MPV17L: variants seen among roughly 807,000 people sequenced by gnomAD.
MPV17L encodes the protein mpv17-like protein.
In MPV17L, 24 loss-of-function variants were observed where a neutral mutation model predicts 25.8. The ratio of observed to expected loss-of-function variants is 0.93; its 90% CI spans 0.67 to 1.31. The LOEUF (loss-of-function observed/expected upper bound fraction) is 1.31, where lower values mean the gene tolerates loss of function less well. Among genes scored for constraint, MPV17L ranks in the 50% most tolerant of loss-of-function variants. The pLI is 0.00. For missense variants in MPV17L, 250 were observed against 265.6 expected, an observed-to-expected ratio of 0.94 and a Z score of 0.41; for synonymous variants, 102 against 115.3, an observed-to-expected ratio of 0.88 and a Z score of 0.74.
At chr16:15,396,746 G>A (rs2050589534) in intron 1 of MPV17L, among the ~76,000 whole-genome samples, 1 of 152,144 alleles carries the variant, frequency 6.6e-6, no homozygotes, top group Non-Finnish European at 1.5e-5. Context: ...GGCAGAGCAG[G>A]TGGAATCTGA....
At position 15,404,279 on chromosome 16, in the gene MPV17L, G is replaced by T. The variant is rs562393663; in HGVS notation, c.381+3422G>T. ...TCACAGAGTATTTGTTGAGCAACTT[G>T]GAATGAGTTTGGATCCTGGAGACTG... On this transcript the variant is annotated intron_variant, in intron 2 of 3. Coordinates refer to ENST00000396385, the MANE Select transcript of MPV17L (RefSeq NM_001128423.2). Among the ~76,000 whole-genome samples the T allele has an allele frequency of 5.9e-5, 9 of 152,246 alleles. No homozygotes were observed. In the East Asian group the frequency reaches 1.7e-3, roughly 29 times the overall value.
At chr16:15,404,618 C>A (rs978105180) in intron 2 of MPV17L, among the ~76,000 whole-genome samples, 4 of 152,066 alleles carry the variant, frequency 2.6e-5, no homozygotes, top group Non-Finnish European at 5.9e-5. Context: ...GTCAGGAGTT[C>A]GAGACCAGCC....
At position 15,401,084 on chromosome 16, in the gene MPV17L, A is replaced by ATTT. The variant is rs1208525759; in HGVS notation, c.381+228_381+229insTTT. Among the ~76,000 whole-genome samples, 242 of 33,176 alleles carry ATTT rather than the reference A, an allele frequency of 7.3e-3. 1 individual carries two copies. The highest frequency in any genetic ancestry group is 9.3e-3 in the Admixed American group (16 of 1,716). 21.8% of individuals were successfully genotyped at this position (33,176 alleles called of 152,430 possible). A position where few individuals can be genotyped will look rare whatever the true frequency, so the allele number is the denominator to read the frequency against. ...TATATATATATATATATATATATATATATTTTTTTTTTTTTTTTTTTTTTT... is the reference window on the plus strand; with the variant it reads ...TATATATATATATATATATATATATATTTTATTTTTTTTTTTTTTTTTTTTTTT... On this transcript the variant is annotated intron_variant, in intron 2 of 3. Coordinates refer to ENST00000396385, the MANE Select transcript of MPV17L (RefSeq NM_001128423.2).
At chr16:15,396,249 TGG>T in intron 1 of MPV17L, 42 bp downstream of exon 1, 1 of 1,534,138 alleles carries the variant, frequency 6.5e-7, no homozygotes. Context: ...GACCCAGTAT[TGG>T]GGGACTGGAG....
intron 2 of MPV17L, among the ~76,000 whole-genome samples, chr16:15,406,695 G>A (rs981016288): frequency 3.9e-5 from 6 of 152,128 alleles, no homozygotes; most frequent in African/African-American, 1.4e-4. Flanking sequence ...GGAGGCCGAG[G>A]CAGGCAAATC....
At chr16:15,407,786 C>T in intron 2 of MPV17L, 38 bp from the exon 3 acceptor site, 1 of 1,563,700 alleles carries the variant, frequency 6.4e-7, no homozygotes, top group Non-Finnish European at 8.7e-7. Context: ...AAAAGGCAAT[C>T]TAATAAAGTT....
intron 2 of MPV17L, among the ~76,000 whole-genome samples, chr16:15,403,375 A>AC (rs2050655025): frequency 6.6e-6 from 1 of 150,768 alleles, no homozygotes; most frequent in Non-Finnish European, 1.5e-5. Flanking sequence ...TCTCAAAAAA[A>AC]AAAAAAAAAA....
intron 2 of MPV17L, among the ~76,000 whole-genome samples, chr16:15,402,563 T>TGTA (rs1345852979): frequency 3.7e-5 from 2 of 54,584 alleles, no homozygotes; most frequent in African/African-American, 8.9e-5. Flanking sequence ...GAACAGTAAC[T>TGTA]ATAAGTGTGT....
At chr16:15,403,117 C>A (rs1226168671) in intron 2 of MPV17L, among the ~76,000 whole-genome samples, 4 of 150,516 alleles carry the variant, frequency 2.7e-5, no homozygotes, top group Non-Finnish European at 5.9e-5. Context: ...TGCCTGTGAT[C>A]CCAACACTTT....
At position 15,396,156 on chromosome 16, in the gene MPV17L, C is replaced by G; in HGVS notation, c.259C>G (p.Leu87Val). 6.5e-7 allele frequency: 1 copy of G among 1,550,124 alleles called. No individual in the cohort carries two copies. Among genetic ancestry groups the G allele is most frequent in the South Asian group, 1.2e-5 (1 of 84,156 alleles). ...GCCGCACGCCCTGCTGGCCAAGTTGCTGTGCGACCAGGTGGTCGGTGCGCC... is the reference window on the plus strand; with the variant it reads ...GCCGCACGCCCTGCTGGCCAAGTTGGTGTGCGACCAGGTGGTCGGTGCGCC... The part of the protein sequence containing the change: ...RAPHALLAKL[L>V]CDQVVGAPIA... The change falls in exon 1 of 4, where the codon CTG (leucine) becomes GTG (valine). Residue 87 changes from leucine (L) to valine (V), a missense_variant. Physicochemically the swap from Leu to Val is conservative, Grantham distance 32 (BLOSUM62 1). Transcript: ENST00000396385.
intron 2 of MPV17L, among the ~76,000 whole-genome samples, chr16:15,404,185 G>A (rs951805816): frequency 7.2e-5 from 11 of 152,296 alleles, no homozygotes; most frequent in African/African-American, 2.4e-4. Flanking sequence ...CAGAAGAGCT[G>A]AGTACAGTTG....
At chr16:15,396,354 C>T (rs1423066609) in intron 1 of MPV17L, 147 bp downstream of exon 1, 8 of 1,105,338 alleles carry the variant, frequency 7.2e-6, no homozygotes, top group Non-Finnish European at 8.8e-6. Context: ...GGAGCTGCTT[C>T]AGAGGCCTGA....
chr16:15,403,922 C>T (rs1252090266), intron 2 of MPV17L, among the ~76,000 whole-genome samples: 2 of 151,942 alleles, frequency 1.3e-5, no homozygotes, highest in Non-Finnish European at 2.9e-5. Flanking sequence ...AATCACAGCA[C>T]TTTGGTAGGC....
Position 15,413,027 on chromosome 16 carries a change from A to G in MPV17L, c.*4915A>G, listed in dbSNP as rs1448471008. On this transcript the variant is annotated 3_prime_UTR_variant, in exon 4 of 4. Coordinates refer to ENST00000396385, the MANE Select transcript of MPV17L (RefSeq NM_001128423.2). The stretch of plus-strand genomic sequence containing the variant: ...TACATGGGAAATTTACTTTTAGTAC[A>G]GTAAAATGTTATGTGAATTTCTACA... 1 of 152,238 alleles carries G rather than the reference A, an allele frequency of 6.6e-6. No individual in the cohort carries two copies. The highest frequency in any genetic ancestry group is 2.4e-5 in the African/African-American group (1 of 41,462). 9.4% of individuals were successfully genotyped at this position (152,238 alleles called of 1,614,324 possible).
rs1356599340 is a variant in MPV17L at position 15,408,423 on chromosome 16, C to A, written c.*311C>A. ...TTCAGGAAACTTGGTTTTGATTGTT[C>A]ACATTTCTATTCTAAAATCTCAGGT... On this transcript the variant is annotated 3_prime_UTR_variant, in exon 4 of 4. Coordinates refer to ENST00000396385, the MANE Select transcript of MPV17L (RefSeq NM_001128423.2). The A allele has an allele frequency of 4.6e-6, 1 of 217,886 alleles. No homozygotes were observed. Among genetic ancestry groups the A allele is most frequent in the Non-Finnish European group, 9.0e-6 (1 of 111,124 alleles). 13.5% of individuals were successfully genotyped at this position (217,886 alleles called of 1,614,324 possible). A position where few individuals can be genotyped will look rare whatever the true frequency, so the allele number is the denominator to read the frequency against.
intron 2 of MPV17L, among the ~76,000 whole-genome samples, chr16:15,401,645 C>T (rs979701313): frequency 6.6e-6 from 1 of 151,958 alleles, no homozygotes; most frequent in Admixed American, 6.6e-5. Flanking sequence ...TATGGTGAAA[C>T]CCTGTTTCTA....
Position 15,395,980 on chromosome 16 carries a change from T to C in MPV17L, c.83T>C (p.Val28Ala), listed in dbSNP as rs2050575624. 1 of 1,514,044 alleles carries C rather than the reference T, an allele frequency of 6.6e-7. No individual in the cohort carries two copies. The highest frequency in any genetic ancestry group is 1.2e-5 in the South Asian group (1 of 80,660). 93.8% of individuals were successfully genotyped at this position (1,514,044 alleles called of 1,614,324 possible). A position where few individuals can be genotyped will look rare whatever the true frequency, so the allele number is the denominator to read the frequency against. The change falls in exon 1 of 4, where the codon GTC becomes GCC. Residue 28 changes from valine (V) to alanine (A), a missense_variant. Coordinates refer to ENST00000396385, the MANE Select transcript of MPV17L (RefSeq NM_001128423.2). The part of the protein sequence containing the change: ...PTNVLLYGSL[V>A]SAGDALQQRL... Reference sequence around the variant, plus strand: ...AACGTGCTGCTTTACGGCTCGCTCGTCTCGGCCGGGGACGCGCTGCAACAG... The same window carrying C: ...AACGTGCTGCTTTACGGCTCGCTCGCCTCGGCCGGGGACGCGCTGCAACAG...
At chr16:15,398,864 G>C (rs550717799) in intron 1 of MPV17L, among the ~76,000 whole-genome samples, 2 of 152,110 alleles carry the variant, frequency 1.3e-5, no homozygotes, top group Non-Finnish European at 2.9e-5. Flanking sequence ...AAAGTGCTGG[G>C]ATTACAGGTG....
intron 2 of MPV17L, among the ~76,000 whole-genome samples, chr16:15,403,664 C>G (rs1370669010): frequency 7.4e-6 from 1 of 135,704 alleles, no homozygotes; most frequent in Middle Eastern, 3.8e-3. Flanking sequence ...AGAGTGAGAC[C>G]ATGGTTCAAA....
Sources: allele counts gnomAD v4.1 joint callset (sites outside exome capture counted in the v4.1 genomes callset), GRCh38; gene constraint gnomAD v4.1.1; transcripts MANE v1.5; gene names NCBI Gene and HGNC (gene_info 2026-07-23, HGNC 2026-07-21).